Variants in DPH5 observed in about 807,000 individuals in gnomAD.
DPH5 encodes diphthamide biosynthesis 5.
In DPH5, 31 loss-of-function variants were observed where a neutral mutation model predicts 31.6. That is an observed-to-expected ratio of 0.98 (90% CI 0.74 to 1.32). The LOEUF (loss-of-function observed/expected upper bound fraction) is 1.32. Ranked by LOEUF, DPH5 falls within the 40% of genes most tolerant of loss-of-function variation. The pLI, the probability that DPH5 is intolerant of heterozygous loss-of-function variation, is 0.00. For missense variants in DPH5, 309 were observed against 335.7 expected (o/e 0.92, Z 0.62); for synonymous variants, 120 against 115.0 (o/e 1.04, Z -0.28).
intron 3 of DPH5, among the ~76,000 whole-genome samples, chr1:101,014,579 A>G (rs1558047791): frequency 6.6e-6 from 1 of 152,186 alleles, no homozygotes; most frequent in Non-Finnish European, 1.5e-5. Flanking sequence ...CTGCTAACTG[A>G]TCAGGGTGGT....
chr1:101,025,386 G>A lies in DPH5; in HGVS notation c.58C>T (p.Leu20=). 6.2e-7 allele frequency: 1 copy of A among 1,614,176 alleles called. No individual in the cohort carries two copies. The highest frequency in any genetic ancestry group is 8.5e-7 in the Non-Finnish European group (1 of 1,180,036). ...CGACTGCAGCGTCTAACAACTTCCAGGCCCTTGACTGTGATGTCCTTGGCA... is the reference window on the plus strand; with the variant it reads ...CGACTGCAGCGTCTAACAACTTCCAAGCCCTTGACTGTGATGTCCTTGGCA... ...GDAKDITVKG[L]EVVRRCSRVY... The change falls in exon 2 of 8, where the codon CTG becomes TTG. Residue 20 remains leucine (L), a synonymous_variant. Coordinates refer to ENST00000370109, the MANE Select transcript of DPH5 (RefSeq NM_015958.3).
In DPH5 at chr1:101,021,590, AT is replaced by A. The variant is rs765006143; in HGVS notation, c.260+50del. 2.6e-6 allele frequency: 4 copies of A among 1,567,806 alleles called. No individual in the cohort carries two copies. In the South Asian group the frequency reaches 4.7e-5, roughly 18 times the overall value. On this transcript the variant is annotated intron_variant, in intron 3 of 7. Transcript: ENST00000370109. ...AAATGCAATAGAATAATTCTTACTG[AT>A]TAAAAAAAAGTAAATGAGTTAAAAA...
chr1:101,006,797 T>A (rs1570677351), intron 4 of DPH5, among the ~76,000 whole-genome samples: 1 of 152,248 alleles, frequency 6.6e-6, no homozygotes, highest in African/African-American at 2.4e-5. Context: ...TTTTCCAAAC[T>A]AGAAATGCAT....
Position 100,990,554 on chromosome 1 carries a change from T to G in DPH5, c.712A>C (p.Arg238=), listed in dbSNP as rs1657579746. ...CCCAAGTCCACAGTGCACATTTGCC[T>G]TAAAGTGCCTGCTGCAATTTTCTGG... ...DDQKIAAGTL[R]QMCTVDLGEP... is the part of the protein sequence containing the mutation. The change falls in exon 8 of 8, where the codon AGG becomes CGG. Residue 238 remains arginine, a synonymous_variant. Coordinates refer to ENST00000370109, the MANE Select transcript of DPH5 (RefSeq NM_015958.3). 2 of 1,614,206 alleles carry G rather than the reference T, an allele frequency of 1.2e-6. No individual in the cohort carries two copies. The highest frequency in any genetic ancestry group is 1.6e-4 in the Middle Eastern group (1 of 6,062).
At chr1:101,018,772 A>C (rs1261908080) in intron 3 of DPH5, among the ~76,000 whole-genome samples, 2 of 152,190 alleles carry the variant, frequency 1.3e-5, no homozygotes, top group African/African-American at 4.8e-5. Flanking sequence ...ATTTTGGAGG[A>C]TCTACCATAA....
At position 101,021,773 on chromosome 1, in the gene DPH5, T is replaced by A. The variant is rs377043393; in HGVS notation, c.136-8A>T. 1.2e-6 allele frequency: 2 copies of A among 1,609,486 alleles called. No individual in the cohort carries two copies. Among genetic ancestry groups the A allele is most frequent in the African/African-American group, 2.7e-5 (2 of 74,608 alleles). ...TCTTCCATAAAACTCTTCCTACAGA[T>A]ATAAGTCCAATATCAAGATAAAGAG... On this transcript the variant is annotated splice_region_variant and splice_polypyrimidine_tract_variant and intron_variant, in intron 2 of 7. Transcript: ENST00000370109.
chr1:101,020,991 T>C (rs1192328113), intron 3 of DPH5, among the ~76,000 whole-genome samples: 2 of 152,184 alleles, frequency 1.3e-5, no homozygotes, highest in African/African-American at 4.8e-5. Context: ...TCTTACATGG[T>C]CCTTATGTTC....
intron 5 of DPH5, among the ~76,000 whole-genome samples, chr1:100,998,055 TA>T (rs773445809): frequency 9.2e-5 from 14 of 152,204 alleles, no homozygotes; most frequent in Non-Finnish European, 1.5e-4. Context: ...GACAAAATTA[TA>T]AAGATAATTA....
intron 7 of DPH5, 134 bp from the exon 8 acceptor site, chr1:100,990,765 C>A (rs1477666041): frequency 1.3e-6 from 1 of 771,678 alleles, no homozygotes; most frequent in African/African-American, 1.8e-5. Flanking sequence ...ACTTATGGAC[C>A]AGTTATCCAT....
intron 6 of DPH5, among the ~76,000 whole-genome samples, chr1:100,993,468 A>T (rs1186185104): frequency 6.7e-6 from 1 of 150,078 alleles, no homozygotes; most frequent in Admixed American, 6.7e-5. Flanking sequence ...AGGAGAATCA[A>T]TTGAACCCGG....
intron 2 of DPH5, 113 bp from the exon 3 acceptor site, chr1:101,021,878 G>A: frequency 3.7e-6 from 4 of 1,093,676 alleles, no homozygotes; most frequent in Non-Finnish European, 3.8e-6. Flanking sequence ...TGGGACTGGT[G>A]CATATGTTGG....
In DPH5 at chr1:101,004,586, CA is replaced by C. The variant is rs531833805; in HGVS notation, c.370-3000del. Among the ~76,000 whole-genome samples, 12 of 152,014 alleles carry C rather than the reference CA, an allele frequency of 7.9e-5. No homozygotes were observed. The East Asian group carries it at 1.5e-3, about 20-fold the overall frequency. ...ATTATGTTTTATCTAGGACAAAACCCAAAAAAACTCAAAACATCCACTCATT... is the reference window on the plus strand; with the variant it reads ...ATTATGTTTTATCTAGGACAAAACCCAAAAAACTCAAAACATCCACTCATT... On this transcript the variant is annotated intron_variant, in intron 4 of 7. Coordinates refer to ENST00000370109, the MANE Select transcript of DPH5 (RefSeq NM_015958.3).
At chr1:100,999,276 T>TC (rs1658656836) in intron 5 of DPH5, among the ~76,000 whole-genome samples, 1 of 150,834 alleles carries the variant, frequency 6.6e-6, no homozygotes, top group African/African-American at 2.4e-5. Flanking sequence ...ATGGCGAAAC[T>TC]CCATCTTTAC....
intron 6 of DPH5, 37 bp from the exon 7 acceptor site, chr1:100,992,777 A>G (rs78664112): frequency 1.4e-6 from 2 of 1,379,744 alleles, no homozygotes; most frequent in Non-Finnish European, 2.1e-6. Context: ...GTTCTTAGCC[A>G]TGAAACTACA....
chr1:101,022,169 T>C (rs367563881), intron 2 of DPH5, among the ~76,000 whole-genome samples: 5 of 152,162 alleles, frequency 3.3e-5, no homozygotes, highest in African/African-American at 9.6e-5. Flanking sequence ...TAAACAAACA[T>C]GGTGGTTTAG....
At position 101,007,672 on chromosome 1, in the gene DPH5, G is replaced by A. The variant is rs534278317; in HGVS notation, c.369+6038C>T. Among the ~76,000 whole-genome samples the A allele has an allele frequency of 5.3e-5, 8 of 151,076 alleles. No individual in the cohort carries two copies. In the South Asian group the frequency reaches 1.5e-3, roughly 28 times the overall value. ...GGAGCTTGCAGTGAGCTGAGATCGC[G>A]CCATTGCACTCCAGCCTGGGCGACA... On this transcript the variant is annotated intron_variant, in intron 4 of 7. Coordinates refer to ENST00000370109, the MANE Select transcript of DPH5 (RefSeq NM_015958.3).
At position 100,990,232 on chromosome 1, in the gene DPH5, G is replaced by GC; in HGVS notation, c.*175dup. ...TATAAAACCATCAGATCTCATGAAA[G>GC]CTCACTATCATGAGAATAGCATGAG... On this transcript the variant is annotated 3_prime_UTR_variant, in exon 8 of 8. Coordinates refer to ENST00000370109, the MANE Select transcript of DPH5 (RefSeq NM_015958.3). 1.6e-6 allele frequency: 1 copy of GC among 615,222 alleles called. No homozygotes were observed. Among genetic ancestry groups the GC allele is most frequent in the Middle Eastern group, 4.4e-4 (1 of 2,294 alleles). The allele number at this position is 615,222 out of a possible 1,614,324, so 38.1% of individuals were successfully genotyped here. A position where few individuals can be genotyped will look rare whatever the true frequency, so the allele number is the denominator to read the frequency against.
chr1:101,021,816 TAA>T (rs1491527928), intron 2 of DPH5, 51 bp from the exon 3 acceptor site: 8 of 1,091,482 alleles, frequency 7.3e-6, no homozygotes, highest in East Asian at 3.2e-5. Context: ...GTGACCATTC[TAA>T]CACACACACA....
intron 4 of DPH5, among the ~76,000 whole-genome samples, chr1:101,005,221 AT>A (rs1308724160): frequency 6.6e-6 from 1 of 152,236 alleles, no homozygotes; most frequent in African/African-American, 2.4e-5. Flanking sequence ...AGCTAAAAAA[AT>A]CTGTTAAGAA....
Sources: allele counts gnomAD v4.1 joint callset (sites outside exome capture counted in the v4.1 genomes callset), GRCh38; gene constraint gnomAD v4.1.1; transcripts MANE v1.5; gene names NCBI Gene and HGNC (gene_info 2026-07-23, HGNC 2026-07-21).